The following CDH13 variants were observed in gnomAD, a reference collection of about 807,000 sequenced individuals.
CDH13 encodes cadherin 13, also known as cadherin-13.
CDH13 carries 24 observed loss-of-function variants against 63.8 expected under a neutral mutation model. That is an observed-to-expected ratio of 0.38 (90% confidence interval 0.27 to 0.53). CDH13 has a LOEUF of 0.53. CDH13 is among the 20% of genes least tolerant of loss of function. The pLI, the probability that CDH13 is intolerant of heterozygous loss-of-function variation, is 0.85. For synonymous variants in CDH13, 503 were observed against 355.3 expected (o/e 1.42, Z -4.67); for missense variants, 1,049 against 903.1 (o/e 1.16, Z -2.07).
intron 6 of CDH13, among the ~76,000 whole-genome samples, chr16:83,354,472 C>G (rs2091016026): frequency 6.6e-6 from 1 of 152,210 alleles, no homozygotes; most frequent in Non-Finnish European, 1.5e-5. Context: ...ATTTAGAACT[C>G]TATTCTTAAG....
chr16:83,451,412 A>G (rs2072883817), intron 6 of CDH13, among the ~76,000 whole-genome samples: 1 of 152,198 alleles, frequency 6.6e-6, no homozygotes, highest in African/African-American at 2.4e-5. Flanking sequence ...CCCATGATTT[A>G]GTTACCTCCC....
rs150399286 is a variant in CDH13, at chr16:82,907,967, A to G, written c.157+49494A>G. Among the ~76,000 whole-genome samples, 34 of 152,260 alleles carry G rather than the reference A, an allele frequency of 2.2e-4. No homozygotes were observed. The East Asian group carries it at 5.6e-3, about 25-fold the overall frequency. The stretch of plus-strand genomic sequence containing the variant: ...TTTCCACTTCCCTACTGTCTTAAAT[A>G]TACTGGTGCTTCTGCCCTAAGACCT... On this transcript the variant is annotated intron_variant, in intron 2 of 13. Transcript: ENST00000567109.
At chr16:82,976,256 A>C (rs1909488523) in intron 2 of CDH13, among the ~76,000 whole-genome samples, 1 of 152,128 alleles carries the variant, frequency 6.6e-6, no homozygotes, top group Non-Finnish European at 1.5e-5. Context: ...GAAGTTAACA[A>C]ACACCAGCTC....
intron 7 of CDH13, among the ~76,000 whole-genome samples, chr16:83,583,245 A>G (rs1023926262): frequency 2.0e-5 from 3 of 152,148 alleles, no homozygotes; most frequent in African/African-American, 7.2e-5. Context: ...TCGTCTCCAG[A>G]TCTTTAACTT....
intron 11 of CDH13, among the ~76,000 whole-genome samples, chr16:83,765,531 C>T (rs1031091297): frequency 1.0e-4 from 12 of 117,192 alleles, no homozygotes; most frequent in East Asian, 4.6e-4. Flanking sequence ...TTACTATTAA[C>T]ATTTTTCTAT....
chr16:82,657,850 T>C (rs1178170032), intron 1 of CDH13, among the ~76,000 whole-genome samples: 2 of 152,228 alleles, frequency 1.3e-5, no homozygotes, highest in South Asian at 2.1e-4. Context: ...ACATAGATAA[T>C]CATTTTATCT....
intron 3 of CDH13, among the ~76,000 whole-genome samples, chr16:83,069,462 A>T (rs771030590): frequency 6.6e-6 from 1 of 152,200 alleles, no homozygotes; most frequent in Non-Finnish European, 1.5e-5. Context: ...CATGTATGTA[A>T]CAGCCCCCCC....
intron 6 of CDH13, among the ~76,000 whole-genome samples, chr16:83,437,385 A>G (rs1184634147): frequency 6.6e-6 from 1 of 152,190 alleles, no homozygotes; most frequent in African/African-American, 2.4e-5. Flanking sequence ...GATTAATAAG[A>G]TAAAGGCTGG....
chr16:83,693,406 C>G (rs1023429981), intron 10 of CDH13, among the ~76,000 whole-genome samples: 1 of 152,186 alleles, frequency 6.6e-6, no homozygotes, highest in African/African-American at 2.4e-5. Flanking sequence ...CTAAAGGTGT[C>G]TCTTTGAGAC....
At chr16:82,712,326 C>A (rs1050846984) in intron 1 of CDH13, among the ~76,000 whole-genome samples, 1 of 152,132 alleles carries the variant, frequency 6.6e-6, no homozygotes, top group South Asian at 2.1e-4. Flanking sequence ...CTTTGAAGCA[C>A]AAACCTCCAC....
intron 4 of CDH13, among the ~76,000 whole-genome samples, chr16:83,216,973 G>A (rs1220495448): frequency 1.3e-5 from 2 of 151,878 alleles, no homozygotes; most frequent in Non-Finnish European, 2.9e-5. Flanking sequence ...GCAGCAAATG[G>A]CTTCCATTAC....
chr16:83,045,341 C>G (rs1917678182), intron 3 of CDH13, among the ~76,000 whole-genome samples: 1 of 152,070 alleles, frequency 6.6e-6, no homozygotes, highest in Non-Finnish European at 1.5e-5. Context: ...CCAAGTCTCT[C>G]TGTAAGAGAT....
intron 1 of CDH13, among the ~76,000 whole-genome samples, chr16:82,760,847 G>A (rs2034808367): frequency 1.3e-5 from 2 of 151,670 alleles, no homozygotes; most frequent in African/African-American, 4.8e-5. Context: ...AGAGAGAGGA[G>A]GAAGTGCCAG....
chr16:82,659,938 G>C (rs1283299256), intron 1 of CDH13, among the ~76,000 whole-genome samples: 2 of 152,150 alleles, frequency 1.3e-5, no homozygotes, highest in Non-Finnish European at 2.9e-5. Context: ...CTCCTGGAGG[G>C]AAAGGGGGGA....
intron 11 of CDH13, among the ~76,000 whole-genome samples, chr16:83,770,840 C>A (rs913670615): frequency 6.6e-6 from 1 of 152,070 alleles, no homozygotes; most frequent in African/African-American, 2.4e-5. Context: ...TCAGAAAGGT[C>A]TTTATGTCCT....
chr16:82,904,831 C>T (rs2151251273), intron 2 of CDH13, among the ~76,000 whole-genome samples: 1 of 152,286 alleles, frequency 6.6e-6, no homozygotes, highest in East Asian at 1.9e-4. Flanking sequence ...CACCGTTTCC[C>T]ATGAATAGAG....
rs182330582 is a variant in CDH13 at position 83,041,014 on chromosome 16, A to G, written c.366+8796A>G. Among the ~76,000 whole-genome samples, 294 of 152,332 alleles carry G rather than the reference A, an allele frequency of 1.9e-3. 1 individual carries two copies. The highest frequency in any genetic ancestry group is 0.017 in the Middle Eastern group (5 of 294). On this transcript the variant is annotated intron_variant, in intron 3 of 13. Transcript: ENST00000567109. ...CTTATTCCTCAGGTGCTCACTGTATAGGAAGCACTGACTAAACTTCCTAGA... is the reference window on the plus strand; with the variant it reads ...CTTATTCCTCAGGTGCTCACTGTATGGGAAGCACTGACTAAACTTCCTAGA...
In CDH13 at chr16:82,959,207, C is replaced by G. The variant is rs1011565287; in HGVS notation, c.158-72803C>G. Among the ~76,000 whole-genome samples, 5 of 152,280 alleles carry G rather than the reference C, an allele frequency of 3.3e-5. No homozygotes were observed. The East Asian group carries it at 7.7e-4, about 23-fold the overall frequency. On this transcript the variant is annotated intron_variant, in intron 2 of 13. Coordinates refer to ENST00000567109, the MANE Select transcript of CDH13 (RefSeq NM_001257.5). The stretch of plus-strand genomic sequence containing the variant: ...ACAATTCATGTTTACCTTCCTGAAT[C>G]TTTTCTACATTTCAAATTCATGTTT...
chr16:83,636,655 C>T (rs927503944), intron 8 of CDH13, among the ~76,000 whole-genome samples: 2 of 152,138 alleles, frequency 1.3e-5, no homozygotes, highest in Non-Finnish European at 2.9e-5. Flanking sequence ...TTTTCTAACC[C>T]ACCATTGATG....
Sources: gnomAD v4.1 joint callset for allele counts (sites outside exome capture counted in the v4.1 genomes callset) on GRCh38, gnomAD v4.1.1 for gene constraint, MANE v1.5 for transcripts, NCBI Gene and HGNC (gene_info 2026-07-23, HGNC 2026-07-21) for gene names.